ARFIP1: variants seen among roughly 807,000 people sequenced by gnomAD.
ARFIP1 encodes arfaptin-1.
Under a neutral mutation model 42.5 loss-of-function variants are expected in ARFIP1, and 24 were observed. That is an observed-to-expected ratio of 0.57 (90% confidence interval 0.41 to 0.80). The LOEUF (loss-of-function observed/expected upper bound fraction) is 0.80, where lower values mean the gene tolerates loss of function less well. Among genes scored for constraint, ARFIP1 ranks in the 30% least tolerant of loss-of-function variants. The pLI is 0.00. For missense variants in ARFIP1, 354 were observed against 434.0 expected (o/e 0.82, Z 1.64); for synonymous variants, 141 against 153.7 (o/e 0.92, Z 0.61).
chr4:152,903,668 A>T (rs900257286), intron 8 of ARFIP1, among the ~76,000 whole-genome samples: 4 of 152,098 alleles, frequency 2.6e-5, no homozygotes, highest in African/African-American at 7.2e-5. Context: ...TTGTTGTGAA[A>T]ACTAGAATTC....
chr4:152,837,556 G>T (rs1435744235), intron 2 of ARFIP1, among the ~76,000 whole-genome samples: 2 of 152,070 alleles, frequency 1.3e-5, no homozygotes, highest in Non-Finnish European at 2.9e-5. Flanking sequence ...TCATATGTTT[G>T]TTGGCCATTT....
At chr4:152,907,099 C>T (rs1186543436) in intron 8 of ARFIP1, among the ~76,000 whole-genome samples, 1 of 152,150 alleles carries the variant, frequency 6.6e-6, no homozygotes, top group African/African-American at 2.4e-5. Flanking sequence ...TCTTTCTTCC[C>T]TCAATAGAAC....
At chr4:152,814,200 C>T (rs1305486002) in intron 1 of ARFIP1, among the ~76,000 whole-genome samples, 4 of 151,108 alleles carry the variant, frequency 2.6e-5, no homozygotes, top group African/African-American at 9.8e-5. Flanking sequence ...AGGTGATCTT[C>T]CCACCTTAGC....
At chr4:152,853,161 C>G (rs759399648) in intron 2 of ARFIP1, among the ~76,000 whole-genome samples, 9 of 152,034 alleles carry the variant, frequency 5.9e-5, no homozygotes, top group African/African-American at 9.7e-5. Flanking sequence ...AATCTTTGTT[C>G]CTTTCTTTTT....
chr4:152,793,596 A>G (rs972643297), intron 1 of ARFIP1, among the ~76,000 whole-genome samples: 6 of 152,114 alleles, frequency 3.9e-5, no homozygotes, highest in African/African-American at 1.4e-4. Flanking sequence ...ATTAGACACA[A>G]TAAGAGATTA....
At chr4:152,861,968 C>T (rs1370796457) in intron 2 of ARFIP1, among the ~76,000 whole-genome samples, 3 of 152,144 alleles carry the variant, frequency 2.0e-5, no homozygotes, top group African/African-American at 7.2e-5. Flanking sequence ...AATCTTGCCT[C>T]AGTTTCTAAC....
intron 2 of ARFIP1, among the ~76,000 whole-genome samples, chr4:152,846,301 A>G (rs764534867): frequency 8.5e-5 from 13 of 152,166 alleles, no homozygotes; most frequent in Admixed American, 2.0e-4. Flanking sequence ...ACCTCAGCAT[A>G]ATGCAATGTA....
At chr4:152,881,576 CTTAGCTTGTGGAAA>C (rs1488534317) in intron 6 of ARFIP1, among the ~76,000 whole-genome samples, 4 of 152,078 alleles carry the variant, frequency 2.6e-5, no homozygotes, top group Non-Finnish European at 4.4e-5. Context: ...AAGTGTGTAA[CTTAGCTTGTGGAAA>C]TTTGGTGCCA....
At chr4:152,853,746 A>G (rs1005779874) in intron 2 of ARFIP1, among the ~76,000 whole-genome samples, 3 of 152,118 alleles carry the variant, frequency 2.0e-5, no homozygotes, top group Non-Finnish European at 4.4e-5. Flanking sequence ...TAGGTTTTCT[A>G]ACACTTTCAT....
chr4:152,863,781 T>C (rs975322536), intron 3 of ARFIP1, 67 bp downstream of exon 3: 31 of 989,536 alleles, frequency 3.1e-5, no homozygotes, highest in Non-Finnish European at 4.7e-5. Context: ...AAATGCTACC[T>C]TTATTAATAA....
chr4:152,910,503 A>G lies in ARFIP1; in HGVS notation c.*284A>G, dbSNP rs777582288. 14 of 240,812 alleles carry G rather than the reference A, an allele frequency of 5.8e-5. No individual in the cohort carries two copies. Among genetic ancestry groups the G allele is most frequent in the Non-Finnish European group, 1.0e-4 (13 of 126,092 alleles). The allele number at this position is 240,812 out of a possible 1,614,324, so 14.9% of individuals were successfully genotyped here. Reference sequence around the variant, plus strand: ...TATTTCTGTAGTTTGAAAACATCTAATAGAGATTTGCACTGACAAGATAAA... The same window carrying G: ...TATTTCTGTAGTTTGAAAACATCTAGTAGAGATTTGCACTGACAAGATAAA... On this transcript the variant is annotated 3_prime_UTR_variant, in exon 9 of 9. Transcript: ENST00000353617.
At chr4:152,877,759 G>T (rs530221289) in intron 5 of ARFIP1, among the ~76,000 whole-genome samples, 1 of 152,066 alleles carries the variant, frequency 6.6e-6, no homozygotes, top group Non-Finnish European at 1.5e-5. Context: ...CATGGGGGCC[G>T]GTCTTGTCTG....
chr4:152,833,770 C>G (rs1215327634), intron 2 of ARFIP1, among the ~76,000 whole-genome samples: 1 of 152,032 alleles, frequency 6.6e-6, no homozygotes, highest in Non-Finnish European at 1.5e-5. Context: ...GTACAATAAG[C>G]CAGACACAGG....
intron 1 of ARFIP1, chr4:152,796,127 T>C (rs1427911007): frequency 2.7e-6 from 2 of 749,428 alleles, no homozygotes; most frequent in African/African-American, 3.4e-5. Flanking sequence ...CTGGGCATAT[T>C]TCCCCAAATA....
chr4:152,825,711 C>T (rs1025356117), intron 1 of ARFIP1, among the ~76,000 whole-genome samples: 7 of 152,208 alleles, frequency 4.6e-5, no homozygotes, highest in Admixed American at 2.0e-4. Flanking sequence ...AACAAAGCTT[C>T]TGCACAGCAA....
chr4:152,869,825 A>G (rs184963458), intron 3 of ARFIP1, among the ~76,000 whole-genome samples: 80 of 152,346 alleles, frequency 5.3e-4, no homozygotes, highest in Admixed American at 1.2e-3. Context: ...ATAGAGCCAG[A>G]ATTTTAAACT....
intron 5 of ARFIP1, among the ~76,000 whole-genome samples, chr4:152,880,144 C>A (rs1299860841): frequency 1.3e-5 from 2 of 152,098 alleles, no homozygotes; most frequent in Non-Finnish European, 2.9e-5. Flanking sequence ...GAGTTTGAGA[C>A]CAGCCTAGCC....
intron 1 of ARFIP1, among the ~76,000 whole-genome samples, chr4:152,802,686 T>A (rs992617270): frequency 2.0e-5 from 3 of 152,210 alleles, no homozygotes; most frequent in Non-Finnish European, 2.9e-5. Context: ...CAAGTTCTTT[T>A]AGATCCTTTC....
intron 3 of ARFIP1, among the ~76,000 whole-genome samples, chr4:152,866,326 T>C (rs1734335699): frequency 6.6e-6 from 1 of 152,224 alleles, no homozygotes; most frequent in Non-Finnish European, 1.5e-5. Flanking sequence ...CCTTTCCCCC[T>C]TTTCTATTCC....
Sources: gnomAD v4.1 joint callset for allele counts (sites outside exome capture counted in the v4.1 genomes callset) on GRCh38, gnomAD v4.1.1 for gene constraint, MANE v1.5 for transcripts, NCBI Gene and HGNC (gene_info 2026-07-23, HGNC 2026-07-21) for gene names.